Variants in NOL12 observed in about 807,000 individuals in gnomAD.
NOL12 encodes the protein nucleolar protein 12.
A neutral mutation model predicts 25.2 loss-of-function variants in NOL12; 21 were observed. The ratio of observed to expected loss-of-function variants is 0.83; its 90% confidence interval spans 0.59 to 1.20. The LOEUF is 1.20. NOL12 is among the 50% of genes most tolerant of loss of function. NOL12 has a pLI of 0.00. For missense variants in NOL12, 286 were observed against 287.6 expected, an observed-to-expected ratio of 0.99 and a Z score of 0.04; for synonymous variants, 133 against 113.8, an observed-to-expected ratio of 1.17 and a Z score of -1.08.
intron 1 of NOL12, chr22:37,687,132 TG>T: frequency 2.1e-6 from 2 of 974,752 alleles, no homozygotes; most frequent in Admixed American, 1.2e-4. Context: ...TCAGGTGTCC[TG>T]GGGACATGGG....
chr22:37,687,717 C>T (rs990830138), intron 1 of NOL12, 193 bp from the exon 2 acceptor site: 10 of 465,494 alleles, frequency 2.1e-5, no homozygotes, highest in African/African-American at 1.8e-4. Flanking sequence ...CTCGACCTTC[C>T]AAAGTACTGG....
chr22:37,686,510 C>CTGT, intron 1 of NOL12, 35 bp downstream of exon 1: 7 of 1,551,114 alleles, frequency 4.5e-6, no homozygotes, highest in Non-Finnish European at 6.1e-6. Context: ...TCCCCTCGAG[C>CTGT]TGTTCTTCGC....
chr22:37,690,979 C>A, intron 5 of NOL12, 185 bp downstream of exon 5: 1 of 709,932 alleles, frequency 1.4e-6, no homozygotes, highest in Non-Finnish European at 2.3e-6. Context: ...ACCTCCAGTG[C>A]TTTTCGTGCC....
chr22:37,688,720 A>G (rs1416872021), intron 3 of NOL12, 130 bp from the exon 4 acceptor site: 3 of 872,434 alleles, frequency 3.4e-6, no homozygotes, highest in Non-Finnish European at 5.5e-6. Context: ...CAGGCTCTAC[A>G]GCCAGTGACC....
chr22:37,686,727 G>A, intron 1 of NOL12: 1 of 985,474 alleles, frequency 1.0e-6, no homozygotes, highest in Non-Finnish European at 1.2e-6. Flanking sequence ...TCTCAGAGCA[G>A]TGGCTTCGAC....
Position 37,691,341 on chromosome 22 carries a change from G to A in NOL12, c.*5G>A, listed in dbSNP as rs541174255. The A allele has an allele frequency of 3.5e-4, 564 of 1,602,580 alleles. 8 individuals carry two copies. The South Asian group carries it at 5.8e-3, about 16-fold the overall frequency. On this transcript the variant is annotated 3_prime_UTR_variant, in exon 6 of 6. Coordinates refer to ENST00000359114, the MANE Select transcript of NOL12 (RefSeq NM_024313.3). ...GCACGGCACAGCGGGGAGTGAGACCGAGAACGAAGCGGTGCCCCAGTCTAG... is the reference window on the plus strand; with the variant it reads ...GCACGGCACAGCGGGGAGTGAGACCAAGAACGAAGCGGTGCCCCAGTCTAG...
rs1158091766 is a variant in NOL12 at position 37,692,942 on chromosome 22, AGG to A, written c.*1608_*1609del. On this transcript the variant is annotated 3_prime_UTR_variant, in exon 6 of 6. Transcript: ENST00000359114. ...CACCCGGGTATGGTGAGTTCCCCTC[AGG>A]GATTGTGCTGAGCGCCTTGGCCTGG... 1 of 381,198 alleles carries A rather than the reference AGG, an allele frequency of 2.6e-6. No individual in the cohort carries two copies. Among genetic ancestry groups the A allele is most frequent in the Non-Finnish European group, 4.6e-6 (1 of 215,254 alleles). 23.6% of individuals were successfully genotyped at this position (381,198 alleles called of 1,614,324 possible).
chr22:37,693,455 T>C lies in NOL12; in HGVS notation c.*2119T>C, dbSNP rs1049159297. The C allele has an allele frequency of 2.6e-5, 4 of 152,292 alleles. No homozygotes were observed. Among genetic ancestry groups the C allele is most frequent in the African/African-American group, 9.6e-5 (4 of 41,466 alleles). The allele number at this position is 152,292 out of a possible 1,614,324, so 9.4% of individuals were successfully genotyped here. A position where few individuals can be genotyped will look rare whatever the true frequency, so the allele number is the denominator to read the frequency against. On this transcript the variant is annotated 3_prime_UTR_variant, in exon 6 of 6. Coordinates refer to ENST00000359114, the MANE Select transcript of NOL12 (RefSeq NM_024313.3). ...TACAATTTATAGTGTTTACCAGTATTAAATTCTCAGCCACTCCTTTCCATG... is the reference window on the plus strand; with the variant it reads ...TACAATTTATAGTGTTTACCAGTATCAAATTCTCAGCCACTCCTTTCCATG...
In NOL12 at chr22:37,691,559, C is replaced by T; in HGVS notation, c.*223C>T. The T allele has an allele frequency of 1.9e-6, 1 of 515,394 alleles. No homozygotes were observed. Among genetic ancestry groups the T allele is most frequent in the Non-Finnish European group, 3.3e-6 (1 of 304,980 alleles). 31.9% of individuals were successfully genotyped at this position (515,394 alleles called of 1,614,324 possible). ...GCAGGCAGCTGAGAGCAGGCCTCCC[C>T]CAGGAAGAGCCTTCAGAGCCACGTG... On this transcript the variant is annotated 3_prime_UTR_variant, in exon 6 of 6. Transcript: ENST00000359114.
chr22:37,686,598 C>A, intron 1 of NOL12, 123 bp downstream of exon 1: 1 of 1,380,506 alleles, frequency 7.2e-7, no homozygotes, highest in African/African-American at 1.5e-5. Flanking sequence ...GGCTAGAGAA[C>A]CCCTCTCGGC....
Position 37,691,405 on chromosome 22 carries a change from G to A in NOL12, c.*69G>A. On this transcript the variant is annotated 3_prime_UTR_variant, in exon 6 of 6. Transcript: ENST00000359114. ...GTCCTTGCTCAGCTTGGCTGTCCCT[G>A]TAGCCCAGCCTGCACCTAGGTAATG... The A allele has an allele frequency of 6.7e-7, 1 of 1,486,814 alleles. No homozygotes were observed. The highest frequency in any genetic ancestry group is 9.0e-7 in the Non-Finnish European group (1 of 1,110,164). The allele number at this position is 1,486,814 out of a possible 1,614,324, so 92.1% of individuals were successfully genotyped here. A position where few individuals can be genotyped will look rare whatever the true frequency, so the allele number is the denominator to read the frequency against.
At chr22:37,691,070 G>T in intron 5 of NOL12, 104 bp from the exon 6 acceptor site, 1 of 1,336,450 alleles carries the variant, frequency 7.5e-7, no homozygotes, top group Non-Finnish European at 1.0e-6. Flanking sequence ...GCATGAACTT[G>T]GCGGTCCTGG....
rs1921896799 is a variant in NOL12, at chr22:37,687,962, A to G, written c.136A>G (p.Ile46Val). ...KRKVERKKAA[I>V]EEIKQRLKEE... ...GAAGGTCGAGCGAAAGAAGGCAGCC[A>G]TTGAGGAGATTAAGCAGCGGCTGAA... The change falls in exon 2 of 6, where the codon ATT becomes GTT. Residue 46 changes from isoleucine (I) to valine (V), a missense_variant. Physicochemically the swap from Ile to Val is conservative, Grantham distance 29 (BLOSUM62 3). Coordinates refer to ENST00000359114, the MANE Select transcript of NOL12 (RefSeq NM_024313.3). 3 of 1,568,982 alleles carry G rather than the reference A, an allele frequency of 1.9e-6. No homozygotes were observed. Among genetic ancestry groups the G allele is most frequent in the Non-Finnish European group, 2.6e-6 (3 of 1,155,204 alleles).
At chr22:37,687,000 C>T (rs1039944486) in intron 1 of NOL12, 7 of 985,254 alleles carry the variant, frequency 7.1e-6, no homozygotes, top group Admixed American at 6.2e-5. Flanking sequence ...GGGAACAGAG[C>T]AGCTAGCACT....
At chr22:37,686,706 G>A (rs1461903496) in intron 1 of NOL12, 4 of 985,436 alleles carry the variant, frequency 4.1e-6, no homozygotes, top group Non-Finnish European at 4.8e-6. Context: ...CCAGATAGCC[G>A]GAAGCTCGGG....
intron 4 of NOL12, among the ~76,000 whole-genome samples, chr22:37,690,251 A>G (rs1922007379): frequency 6.6e-6 from 1 of 152,094 alleles, no homozygotes; most frequent in Non-Finnish European, 1.5e-5. Context: ...AATTGCTTGA[A>G]CTCAGGAGGC....
At chr22:37,687,183 G>A (rs982514852) in intron 1 of NOL12, 6 of 784,014 alleles carry the variant, frequency 7.7e-6, no homozygotes, top group South Asian at 5.8e-5. Context: ...CTGGATGGTG[G>A]TGGCCCTGAA....
At chr22:37,688,490 G>A in intron 3 of NOL12, 130 bp downstream of exon 3, 3 of 916,914 alleles carry the variant, frequency 3.3e-6, no homozygotes, top group Admixed American at 2.0e-5. Context: ...GGCCAGGGGT[G>A]GTCCTAAGCA....
Position 37,687,982 on chromosome 22 carries a change from G to T in NOL12, c.156G>T (p.Arg52=), listed in dbSNP as rs2145795881. 2 of 1,586,808 alleles carry T rather than the reference G, an allele frequency of 1.3e-6. No homozygotes were observed. The highest frequency in any genetic ancestry group is 1.7e-6 in the Non-Finnish European group (2 of 1,166,678). The change falls in exon 2 of 6, where the codon CGG becomes CGT. Residue 52 remains arginine (R), a synonymous_variant. Transcript: ENST00000359114. ...KKAAIEEIKQ[R]LKEEQRKLRE... ...CAGCCATTGAGGAGATTAAGCAGCGGCTGAAAGAGGAGCAGAGGAAGCTTC... is the reference window on the plus strand; with the variant it reads ...CAGCCATTGAGGAGATTAAGCAGCGTCTGAAAGAGGAGCAGAGGAAGCTTC...
Sources: allele counts gnomAD v4.1 joint callset (sites outside exome capture counted in the v4.1 genomes callset), GRCh38; gene constraint gnomAD v4.1.1; transcripts MANE v1.5; gene names NCBI Gene and HGNC (gene_info 2026-07-23, HGNC 2026-07-21).